Variants in DLGAP2 observed in about 807,000 individuals in gnomAD.
The protein encoded by DLGAP2 is disks large-associated protein 2.
DLGAP2 carries 26 observed loss-of-function variants against 100.3 expected under a neutral mutation model. The observed-to-expected ratio is 0.26, with a 90% confidence interval of 0.19 to 0.36. The LOEUF is 0.36. DLGAP2 is among the 10% of genes least tolerant of loss of function. DLGAP2 has a pLI of 1.00. For synonymous variants in DLGAP2, 886 were observed against 630.1 expected (o/e 1.41, Z -6.08); for missense variants, 1,858 against 1,453.2 (o/e 1.28, Z -4.53).
chr8:958,216 C>CAT (rs751659320), intron 2 of DLGAP2, among the ~76,000 whole-genome samples: 3 of 152,304 alleles, frequency 2.0e-5, no homozygotes, highest in Non-Finnish European at 2.9e-5. Context: ...GTCAGAACTG[C>CAT]ATTCCTTTAT....
Position 1,116,473 on chromosome 8 carries a change from G to T in DLGAP2, c.74-142378G>T, listed in dbSNP as rs77768122. 5.8e-3 allele frequency among the ~76,000 whole-genome samples: 885 copies of T among 152,218 alleles called. 10 individuals are homozygous for T. Among genetic ancestry groups the T allele is most frequent in the African/African-American group, 0.02 (836 of 41,522 alleles). On this transcript the variant is annotated intron_variant, in intron 2 of 14. Coordinates refer to ENST00000637795, the MANE Select transcript of DLGAP2 (RefSeq NM_001346810.2). ...TTCAGTTTCTTTATCTGTAAAGTGG[G>T]GGTGACAATATTCACCTCACATTGA...
At chr8:789,141 G>T (rs889599639) in intron 1 of DLGAP2, among the ~76,000 whole-genome samples, 2 of 152,194 alleles carry the variant, frequency 1.3e-5, no homozygotes, top group Admixed American at 1.3e-4. Context: ...TCTAGAGCTT[G>T]TCCTTCTGTT....
chr8:1,286,876 G>A (rs1362260502), intron 3 of DLGAP2, among the ~76,000 whole-genome samples: 1 of 152,254 alleles, frequency 6.6e-6, no homozygotes, highest in East Asian at 1.9e-4. Flanking sequence ...CATTCGAGGA[G>A]AAAACCAATT....
intron 2 of DLGAP2, among the ~76,000 whole-genome samples, chr8:1,229,666 T>C (rs915324799): frequency 1.3e-5 from 2 of 152,162 alleles, no homozygotes; most frequent in Admixed American, 1.3e-4. Context: ...ACAAGTTAAT[T>C]CACCACAATC....
chr8:1,290,940 A>G (rs1335936817), intron 3 of DLGAP2, among the ~76,000 whole-genome samples: 2 of 152,188 alleles, frequency 1.3e-5, no homozygotes, highest in Non-Finnish European at 1.5e-5. Context: ...GACATTCACA[A>G]TATTGTACAA....
intron 1 of DLGAP2, among the ~76,000 whole-genome samples, chr8:884,865 C>A (rs559564610): frequency 6.6e-6 from 1 of 152,244 alleles, no homozygotes; most frequent in South Asian, 2.1e-4. Context: ...CTAGTTTTCC[C>A]ACCACCATTT....
intron 1 of DLGAP2, among the ~76,000 whole-genome samples, chr8:902,268 C>G (rs956039574): frequency 6.6e-6 from 1 of 152,028 alleles, no homozygotes; most frequent in African/African-American, 2.4e-5. Flanking sequence ...CGCTGAGCCC[C>G]CATGGTATCT....
chr8:883,852 C>T (rs558317946), intron 1 of DLGAP2, among the ~76,000 whole-genome samples: 1 of 152,330 alleles, frequency 6.6e-6, no homozygotes, highest in Admixed American at 6.5e-5. Context: ...ATTGTGTTCT[C>T]ATTGTTCATC....
chr8:1,369,681 A>G (rs1222899109), intron 3 of DLGAP2: 1 of 152,254 alleles, frequency 6.6e-6, no homozygotes, highest in African/African-American at 2.4e-5. Context: ...CGCCCTGTCC[A>G]AATATCTAGG....
intron 1 of DLGAP2, among the ~76,000 whole-genome samples, chr8:841,426 G>A (rs1243403109): frequency 6.6e-6 from 1 of 152,134 alleles, no homozygotes; most frequent in Non-Finnish European, 1.5e-5. Flanking sequence ...CCCATATTCT[G>A]TCCCAGACTT....
At chr8:982,213 A>G (rs1800356361) in intron 2 of DLGAP2, among the ~76,000 whole-genome samples, 1 of 152,220 alleles carries the variant, frequency 6.6e-6, no homozygotes, top group African/African-American at 2.4e-5. Context: ...GAGCAGAGAT[A>G]ATAACAGTAC....
chr8:1,641,084 G>C (rs530565948), intron 8 of DLGAP2, among the ~76,000 whole-genome samples: 56 of 152,288 alleles, frequency 3.7e-4, no homozygotes, highest in African/African-American at 1.3e-3. Flanking sequence ...GTCGGAGTTA[G>C]GACAGGAGCC....
intron 1 of DLGAP2, among the ~76,000 whole-genome samples, chr8:887,103 A>G (rs1797937847): frequency 6.6e-6 from 1 of 151,992 alleles, no homozygotes; most frequent in African/African-American, 2.4e-5. Context: ...TGTCGAATTG[A>G]TCCCTTTACC....
At chr8:1,502,536 T>C (rs748016563) in intron 4 of DLGAP2, among the ~76,000 whole-genome samples, 3 of 152,138 alleles carry the variant, frequency 2.0e-5, no homozygotes, top group Non-Finnish European at 4.4e-5. Context: ...TGTTGCTAAC[T>C]GACGTTCTAC....
chr8:921,753 G>A (rs1331357175), intron 2 of DLGAP2, among the ~76,000 whole-genome samples: 6 of 152,212 alleles, frequency 3.9e-5, no homozygotes, highest in Admixed American at 1.3e-4. Context: ...CAGTCCTGTC[G>A]GGCCGCCTCC....
intron 2 of DLGAP2, among the ~76,000 whole-genome samples, chr8:1,246,617 A>G (rs528510684): frequency 6.6e-6 from 1 of 152,370 alleles, no homozygotes; most frequent in East Asian, 1.9e-4. Flanking sequence ...TTACCACCCA[A>G]GTTTAGTGAA....
At position 1,076,105 on chromosome 8, in the gene DLGAP2, A is replaced by G. The variant is rs143200196; in HGVS notation, c.73+168139A>G. On this transcript the variant is annotated intron_variant, in intron 2 of 14. Transcript: ENST00000637795. The stretch of plus-strand genomic sequence containing the variant: ...TTTTTCACAACAACGTTATCTAGAA[A>G]ATCCACAAGTGATTTAAAAGCACAG... Among the ~76,000 whole-genome samples, 392 of 152,220 alleles carry G rather than the reference A, an allele frequency of 2.6e-3. 1 individual carries two copies. Among genetic ancestry groups the G allele is most frequent in the African/African-American group, 8.4e-3 (350 of 41,528 alleles).
intron 2 of DLGAP2, among the ~76,000 whole-genome samples, chr8:1,030,889 C>G (rs916464865): frequency 6.6e-6 from 1 of 152,204 alleles, no homozygotes; most frequent in Admixed American, 6.5e-5. Context: ...ACCGCAGCCA[C>G]CAGACCCCCG....
At chr8:1,284,713 C>G (rs1276732150) in intron 3 of DLGAP2, among the ~76,000 whole-genome samples, 3 of 152,202 alleles carry the variant, frequency 2.0e-5, no homozygotes, top group Non-Finnish European at 4.4e-5. Context: ...CCTCAGCTGC[C>G]TGACCCTCCC....
Sources: allele counts gnomAD v4.1 joint callset (sites outside exome capture counted in the v4.1 genomes callset), GRCh38; gene constraint gnomAD v4.1.1; transcripts MANE v1.5; gene names NCBI Gene and HGNC (gene_info 2026-07-23, HGNC 2026-07-21).